The following CA10 variants were observed in gnomAD, a reference collection of about 807,000 sequenced individuals.
CA10 encodes carbonic anhydrase 10 (inactive).
In CA10, 14 loss-of-function variants were observed where a neutral mutation model predicts 44.2. The observed-to-expected ratio is 0.32, with a 90% CI of 0.21 to 0.50. The LOEUF (loss-of-function observed/expected upper bound fraction) is 0.50. CA10 is among the 20% of genes least tolerant of loss of function. The pLI is 0.99. For missense variants in CA10, 350 were observed against 409.7 expected (o/e 0.85, Z 1.26); for synonymous variants, 159 against 141.6 (o/e 1.12, Z -0.87).
At chr17:52,116,173 A>T (rs1220387028) in intron 1 of CA10, among the ~76,000 whole-genome samples, 1 of 151,936 alleles carries the variant, frequency 6.6e-6, no homozygotes. Context: ...GCATCTTTCC[A>T]GTCCTGCACT....
At chr17:51,697,763 A>C (rs1485738451) in intron 4 of CA10, among the ~76,000 whole-genome samples, 1 of 152,248 alleles carries the variant, frequency 6.6e-6, no homozygotes. Flanking sequence ...AAATGAATGC[A>C]TGAATGAAAT....
At chr17:51,680,517 G>A (rs752419477) in intron 4 of CA10, among the ~76,000 whole-genome samples, 9 of 152,214 alleles carry the variant, frequency 5.9e-5, no homozygotes, top group Non-Finnish European at 1.0e-4. Flanking sequence ...ATTTCTGGGT[G>A]AGCATTTGGA....
At chr17:51,812,721 A>G (rs1225846703) in intron 3 of CA10, among the ~76,000 whole-genome samples, 1 of 152,334 alleles carries the variant, frequency 6.6e-6, no homozygotes, top group Non-Finnish European at 1.5e-5. Context: ...AAGGAGTCCT[A>G]TCTTTGGGCA....
At chr17:51,784,466 G>C (rs1381490079) in intron 3 of CA10, among the ~76,000 whole-genome samples, 1 of 152,176 alleles carries the variant, frequency 6.6e-6, no homozygotes, top group African/African-American at 2.4e-5. Context: ...GACTTATTCT[G>C]TCTGAATGGA....
At chr17:51,804,878 T>A (rs1346278696) in intron 3 of CA10, among the ~76,000 whole-genome samples, 1 of 152,228 alleles carries the variant, frequency 6.6e-6, no homozygotes, top group Non-Finnish European at 1.5e-5. Context: ...TCTTTAACCC[T>A]CTTTTTGCCA....
intron 3 of CA10, among the ~76,000 whole-genome samples, chr17:51,852,931 T>C (rs1955107857): frequency 6.6e-6 from 1 of 152,196 alleles, no homozygotes; most frequent in African/African-American, 2.4e-5. Context: ...CTCTTAATTC[T>C]TAAGAGAAAA....
At chr17:51,990,488 T>G (rs9900811) in intron 2 of CA10, among the ~76,000 whole-genome samples, 56,936 of 151,976 alleles carry the variant, frequency 0.37, 12,687 homozygotes, top group East Asian at 0.74. Flanking sequence ...AGTAGAAGTT[T>G]TGCTAATCAG....
chr17:52,010,704 A>G (rs1317636206), intron 2 of CA10, among the ~76,000 whole-genome samples: 1 of 151,962 alleles, frequency 6.6e-6, no homozygotes, highest in African/African-American at 2.4e-5. Flanking sequence ...CCAAAATCCC[A>G]GAAATCACCA....
chr17:51,829,405 G>A (rs1051396513), intron 3 of CA10, among the ~76,000 whole-genome samples: 2 of 152,140 alleles, frequency 1.3e-5, no homozygotes, highest in Non-Finnish European at 2.9e-5. Context: ...CTGAGGCTGT[G>A]TTCCATGGGG....
chr17:52,075,209 C>CA (rs1169052397), intron 1 of CA10, among the ~76,000 whole-genome samples: 1 of 152,048 alleles, frequency 6.6e-6, no homozygotes, highest in African/African-American at 2.4e-5. Flanking sequence ...TAATGTAAAA[C>CA]AAAATATTAT....
At chr17:52,089,857 G>T (rs1418870798) in intron 1 of CA10, among the ~76,000 whole-genome samples, 1 of 152,096 alleles carries the variant, frequency 6.6e-6, no homozygotes, top group Non-Finnish European at 1.5e-5. Context: ...ATCTTGAGAA[G>T]AAGGGAGAGA....
At chr17:51,765,854 T>G (rs1191727265) in intron 3 of CA10, among the ~76,000 whole-genome samples, 1 of 151,940 alleles carries the variant, frequency 6.6e-6, no homozygotes, top group Non-Finnish European at 1.5e-5. Flanking sequence ...CAGATGGATA[T>G]CTGGAAGAGT....
intron 4 of CA10, among the ~76,000 whole-genome samples, chr17:51,655,895 C>A (rs1913774188): frequency 6.6e-6 from 1 of 152,230 alleles, no homozygotes; most frequent in Admixed American, 6.5e-5. Flanking sequence ...TCTATAGTAG[C>A]TACTCTGCCA....
intron 4 of CA10, among the ~76,000 whole-genome samples, chr17:51,659,435 T>G (rs1369685021): frequency 6.6e-6 from 1 of 152,188 alleles, no homozygotes; most frequent in African/African-American, 2.4e-5. Context: ...TGTGAGCCAA[T>G]TCCCACAATA....
At chr17:52,147,395 T>G (rs1021929072) in intron 1 of CA10, among the ~76,000 whole-genome samples, 1 of 152,036 alleles carries the variant, frequency 6.6e-6, no homozygotes, top group African/African-American at 2.4e-5. Flanking sequence ...ACAACTCTCA[T>G]TCATGAAGTT....
At chr17:51,725,835 G>A (rs538349104) in intron 4 of CA10, among the ~76,000 whole-genome samples, 31 of 152,222 alleles carry the variant, frequency 2.0e-4, no homozygotes, top group African/African-American at 7.2e-4. Flanking sequence ...TATTTATTGA[G>A]TGCCTACTCT....
At chr17:52,071,637 A>G (rs1367072501) in intron 2 of CA10, among the ~76,000 whole-genome samples, 1 of 152,114 alleles carries the variant, frequency 6.6e-6, no homozygotes, top group Non-Finnish European at 1.5e-5. Flanking sequence ...GCAGTTAAAA[A>G]TACTTTGAAA....
intron 4 of CA10, among the ~76,000 whole-genome samples, chr17:51,687,991 G>A (rs1364079222): frequency 6.6e-6 from 1 of 152,156 alleles, no homozygotes; most frequent in African/African-American, 2.4e-5. Context: ...GACAGTGTGC[G>A]ACTTCCAGGG....
At chr17:52,111,527 T>C (rs1295384793) in intron 1 of CA10, among the ~76,000 whole-genome samples, 1 of 152,092 alleles carries the variant, frequency 6.6e-6, no homozygotes, top group Non-Finnish European at 1.5e-5. Context: ...TGGGTTTCCA[T>C]CTCCATCAGC....
Sources: gnomAD v4.1 joint callset for allele counts (sites outside exome capture counted in the v4.1 genomes callset) on GRCh38, gnomAD v4.1.1 for gene constraint, MANE v1.5 for transcripts, NCBI Gene and HGNC (gene_info 2026-07-23, HGNC 2026-07-21) for gene names.